Variants in OXNAD1 observed in about 807,000 individuals in gnomAD.
OXNAD1 encodes oxidoreductase NAD binding domain containing 1, also known as oxidoreductase NAD-binding domain-containing protein 1.
OXNAD1 carries 34 observed loss-of-function variants against 32.9 expected under a neutral mutation model. The observed-to-expected ratio is 1.03, with a 90% CI of 0.79 to 1.38. OXNAD1 has a LOEUF of 1.38. Ranked by LOEUF, OXNAD1 falls within the 40% of genes most tolerant of loss-of-function variation. OXNAD1 has a pLI of 0.00. For missense variants in OXNAD1, 407 were observed against 379.4 expected (o/e 1.07, Z -0.60); for synonymous variants, 134 against 135.2 (o/e 0.99, Z 0.06).
Position 16,289,950 on chromosome 3 carries a change from C to T in OXNAD1, c.290+3502C>T, listed in dbSNP as rs1009360979. On this transcript the variant is annotated intron_variant, in intron 5 of 8. Coordinates refer to ENST00000285083, the MANE Select transcript of OXNAD1 (RefSeq NM_138381.5). The surrounding 1 kb of genome is among the most constrained non-coding windows in gnomAD (Gnocchi z 4.9). ...CATATGTGCATCTTTGTACCTCCAG[C>T]AAGTACCACAGTGCCTGTATATGGT... Among the ~76,000 whole-genome samples the T allele has an allele frequency of 2.6e-5, 4 of 152,214 alleles. No homozygotes were observed. The highest frequency in any genetic ancestry group is 5.9e-5 in the Non-Finnish European group (4 of 68,046).
rs950838889 is a variant in OXNAD1 at position 16,290,785 on chromosome 3, A to T, written c.291-4071A>T. 6.6e-6 allele frequency among the ~76,000 whole-genome samples: 1 copy of T among 152,224 alleles called. No individual in the cohort carries two copies. On this transcript the variant is annotated intron_variant, in intron 5 of 8. Coordinates refer to ENST00000285083, the MANE Select transcript of OXNAD1 (RefSeq NM_138381.5). The surrounding 1 kb of genome is among the most constrained non-coding windows in gnomAD (Gnocchi z 4.2). ...GGTTTTTAAACACTTATAATAAATGACTGGAAATGTAAGGCCATAGACTGC... is the reference window on the plus strand; with the variant it reads ...GGTTTTTAAACACTTATAATAAATGTCTGGAAATGTAAGGCCATAGACTGC...
At position 16,297,692 on chromosome 3, in the gene OXNAD1, A is replaced by T. The variant is rs143380299; in HGVS notation, c.432+2695A>T. ...ATTGATGCATGCAGCAATGTGGGTG[A>T]ATCTCAGAGGCATTCTGTTGAGTGC... On this transcript the variant is annotated intron_variant, in intron 6 of 8. Coordinates refer to ENST00000285083, the MANE Select transcript of OXNAD1 (RefSeq NM_138381.5). The surrounding 1 kb of genome is among the most constrained non-coding windows in gnomAD (Gnocchi z 4.3). Among the ~76,000 whole-genome samples, 29 of 152,346 alleles carry T rather than the reference A, an allele frequency of 1.9e-4. No homozygotes were observed. Among genetic ancestry groups the T allele is most frequent in the African/African-American group, 6.7e-4 (28 of 41,584 alleles).
At chr3:16,272,419 A>T in intron 4 of OXNAD1, 1 of 181,208 alleles carries the variant, frequency 5.5e-6, no homozygotes. Context: ...GCTTAGTGTT[A>T]TAAGTATATG....
Position 16,327,060 on chromosome 3 carries a change from G to A in OXNAD1, c.*31-10052G>A, listed in dbSNP as rs1443007072. ...AAGTTTGGAGTCAAACTGCCAACAT[G>A]GGATTTCCTTCTGGGCCCCATTTCA... On this transcript the variant is annotated intron_variant, in intron 9 of 9. Transcript: ENST00000435829. The surrounding 1 kb of genome is among the most constrained non-coding windows in gnomAD (Gnocchi z 4.2). Among the ~76,000 whole-genome samples the A allele has an allele frequency of 6.6e-6, 1 of 152,202 alleles. No homozygotes were observed. Among genetic ancestry groups the A allele is most frequent in the Non-Finnish European group, 1.5e-5 (1 of 68,030 alleles).
chr3:16,306,910 TATA>T (rs34661916), downstream of OXNAD1, among the ~76,000 whole-genome samples: 96,926 of 151,732 alleles, frequency 0.64, 31,782 homozygotes, highest in African/African-American at 0.79. Flanking sequence ...ATTCATCCAA[TATA>T]ATGGTCTTCA....
Position 16,316,782 on chromosome 3 carries a change from C to T in OXNAD1, c.*30+13190C>T. ...CCCAAACCAGCTGTTGGTAAGATGCCTTGGGTTTGGCAACTCACCTAGTTT... is the reference window on the plus strand; with the variant it reads ...CCCAAACCAGCTGTTGGTAAGATGCTTTGGGTTTGGCAACTCACCTAGTTT... On this transcript the variant is annotated intron_variant, in intron 9 of 9. Transcript: ENST00000435829. This position sits in a 1 kb window ranked among gnomAD's most constrained non-coding sequence, Gnocchi z 4.5. 2 of 1,610,572 alleles carry T rather than the reference C, an allele frequency of 1.2e-6. No homozygotes were observed. The highest frequency in any genetic ancestry group is 1.7e-4 in the Middle Eastern group (1 of 6,044).
chr3:16,303,439 T>C lies in OXNAD1; in HGVS notation c.816T>C (p.Asp272=). Residue 272 remains aspartate (D), a synonymous_variant, in exon 9 of 9, where the codon GAT becomes GAC. Transcript: ENST00000285083. This position sits in a 1 kb window ranked among gnomAD's most constrained non-coding sequence, Gnocchi z 4.8. The part of the protein sequence containing the change: ...EGRITEKEIR[D]HISKETLFYI... ...GAATAACGGAGAAGGAGATAAGAGA[T>C]CATATTTCAAAAGAGACTTTGTTCT... The C allele has an allele frequency of 6.2e-7, 1 of 1,614,008 alleles. No individual in the cohort carries two copies. The highest frequency in any genetic ancestry group is 8.5e-7 in the Non-Finnish European group (1 of 1,179,910).
chr3:16,292,421 G>C (rs1176181673), intron 5 of OXNAD1, among the ~76,000 whole-genome samples: 3 of 152,070 alleles, frequency 2.0e-5, no homozygotes, highest in Admixed American at 2.0e-4. Context: ...TCGAACTCCT[G>C]ACCTCAGGTG....
intron 9 of OXNAD1, among the ~76,000 whole-genome samples, chr3:16,332,294 T>C (rs771946852): frequency 6.6e-6 from 1 of 152,132 alleles, no homozygotes; most frequent in Non-Finnish European, 1.5e-5. Flanking sequence ...ACAGTTTTCT[T>C]ACTCTTTTAA....
rs747941033 is a variant in OXNAD1 at position 16,294,997 on chromosome 3, G to A, written c.432G>A (p.Thr144=). 3.1e-6 allele frequency: 5 copies of A among 1,608,570 alleles called. No individual in the cohort carries two copies. Among genetic ancestry groups the A allele is most frequent in the South Asian group, 1.1e-5 (1 of 90,132 alleles). The change falls in exon 6 of 9, where the codon ACG becomes ACA. Residue 144 remains threonine, a splice_region_variant and synonymous_variant. Transcript: ENST00000285083. ...CTCCTGCCCTCTGGGTTCACAATAC[G>A]GTAAGCACACTGCCTGTTTAAACGC... ...NHPPALWVHN[T]CTLDCEVAVR... is the part of the protein sequence containing the mutation.
rs2071755177 is a variant in OXNAD1, at chr3:16,346,863, G to A, written c.*31-2313G>A. On this transcript the variant is annotated intron_variant, in intron 9 of 9. Coordinates refer to the OXNAD1 transcript ENST00000606098. The surrounding 1 kb of genome is among the most constrained non-coding windows in gnomAD (Gnocchi z 4.4). ...GACAGGCTGAGGATGAGTACAGAAA[G>A]ATGGCAACATCTGGATCCCTGGTGG... Among the ~76,000 whole-genome samples, 1 of 152,180 alleles carries A rather than the reference G, an allele frequency of 6.6e-6. No homozygotes were observed. The highest frequency in any genetic ancestry group is 6.5e-5 in the Admixed American group (1 of 15,284).
intron 9 of OXNAD1, chr3:16,326,883 GA>G (rs2069754613): frequency 6.2e-7 from 1 of 1,610,752 alleles, no homozygotes; most frequent in Admixed American, 1.7e-5. Context: ...CACCCTGGGG[GA>G]ACAAGGCCAG....
intron 4 of OXNAD1, chr3:16,275,909 A>T (rs551922802): frequency 1.3e-5 from 2 of 153,116 alleles, no homozygotes; most frequent in Non-Finnish European, 2.9e-5. Context: ...TTATCAAAGT[A>T]ATAGTTGTAA....
At chr3:16,326,878 T>TG (rs778519333) in intron 9 of OXNAD1, 42 of 1,612,190 alleles carry the variant, frequency 2.6e-5, no homozygotes, top group Non-Finnish European at 3.3e-5. Flanking sequence ...TTCGACACCC[T>TG]GGGGGAACAA....
At chr3:16,278,928 A>G (rs765554854) in intron 4 of OXNAD1, among the ~76,000 whole-genome samples, 3 of 152,220 alleles carry the variant, frequency 2.0e-5, no homozygotes, top group South Asian at 2.1e-4. Flanking sequence ...AGAGTGGACT[A>G]TGTCCCAAGG....
At chr3:16,340,718 T>G (rs1338152651), downstream of OXNAD1, among the ~76,000 whole-genome samples, 1 of 152,234 alleles carries the variant, frequency 6.6e-6, no homozygotes, top group East Asian at 1.9e-4. Flanking sequence ...AGAATAATGC[T>G]TTTGTGCTAA....
chr3:16,290,516 A>G lies in OXNAD1; in HGVS notation c.290+4068A>G, dbSNP rs191517504. 6.6e-6 allele frequency among the ~76,000 whole-genome samples: 1 copy of G among 152,320 alleles called. No homozygotes were observed. The highest frequency in any genetic ancestry group is 1.5e-5 in the Non-Finnish European group (1 of 68,030). ...GCAGCAGAGGGCACTGTAGTTCAGGAGATGAAGCAGCAAAAGTAGCTTATT... is the reference window on the plus strand; with the variant it reads ...GCAGCAGAGGGCACTGTAGTTCAGGGGATGAAGCAGCAAAAGTAGCTTATT... On this transcript the variant is annotated intron_variant, in intron 5 of 8. Transcript: ENST00000285083. The surrounding 1 kb of genome is among the most constrained non-coding windows in gnomAD (Gnocchi z 4.2).
chr3:16,330,832 AAT>A (rs1156896176), intron 9 of OXNAD1, among the ~76,000 whole-genome samples: 3 of 152,230 alleles, frequency 2.0e-5, no homozygotes, highest in African/African-American at 7.2e-5. Flanking sequence ...TTTACTAAGA[AAT>A]ATGTTTGTCT....
chr3:16,313,205 A>ATTTTTT (rs750491540), intron 9 of OXNAD1, among the ~76,000 whole-genome samples: 17 of 103,806 alleles, frequency 1.6e-4, no homozygotes, highest in African/African-American at 4.8e-4. Context: ...CACCCAGCGG[A>ATTTTTT]TTTTTTTTTT....
Sources: allele counts gnomAD v4.1 joint callset (sites outside exome capture counted in the v4.1 genomes callset), GRCh38; gene constraint gnomAD v4.1.1; non-coding constraint Gnocchi (gnomAD v3.1); transcripts MANE v1.5; gene names NCBI Gene and HGNC (gene_info 2026-07-23, HGNC 2026-07-21).